Variants in VWA3B observed in about 807,000 individuals in gnomAD.
The protein encoded by VWA3B is von Willebrand factor A domain containing 3B.
A neutral mutation model predicts 158.3 loss-of-function variants in VWA3B; 138 were observed. That is an observed-to-expected ratio of 0.87 (90% CI 0.76 to 1.00). The LOEUF (loss-of-function observed/expected upper bound fraction) is 1.00, where lower values mean the gene tolerates loss of function less well. VWA3B is among the 50% of genes least tolerant of loss of function. The pLI is 0.00. For synonymous variants in VWA3B, 596 were observed against 587.3 expected, an observed-to-expected ratio of 1.01 and a Z score of -0.21; for missense variants, 1,555 against 1,565.1, an observed-to-expected ratio of 0.99 and a Z score of 0.11.
intron 7 of VWA3B, among the ~76,000 whole-genome samples, chr2:98,137,965 G>GA (rs796771862): frequency 6.6e-6 from 1 of 152,036 alleles, no homozygotes; most frequent in Non-Finnish European, 1.5e-5. Context: ...AGTGTTCTGG[G>GA]AAAAAATTAC....
intron 12 of VWA3B, among the ~76,000 whole-genome samples, chr2:98,208,061 C>T (rs1209237304): frequency 6.6e-6 from 1 of 151,844 alleles, no homozygotes. Flanking sequence ...GATGTATACA[C>T]ATTTAGGGTC....
intron 7 of VWA3B, among the ~76,000 whole-genome samples, chr2:98,160,007 TAA>T (rs201978512): frequency 2.7e-4 from 38 of 138,268 alleles, no homozygotes; most frequent in African/African-American, 7.0e-4. Flanking sequence ...AAGAATCCAT[TAA>T]AAAAAAAAAA....
At chr2:98,140,924 C>T (rs1206590227) in intron 7 of VWA3B, among the ~76,000 whole-genome samples, 1 of 152,190 alleles carries the variant, frequency 6.6e-6, no homozygotes, top group African/African-American at 2.4e-5. Flanking sequence ...GTCTCAGTTT[C>T]CCCTGTCCAC....
intron 1 of VWA3B, among the ~76,000 whole-genome samples, chr2:98,090,062 C>T (rs1299769057): frequency 1.3e-5 from 2 of 151,988 alleles, no homozygotes; most frequent in Non-Finnish European, 2.9e-5. Flanking sequence ...CTCCCTTCAG[C>T]AAGAATATTG....
chr2:98,219,481 A>T (rs368807967), intron 14 of VWA3B, among the ~76,000 whole-genome samples: 2 of 152,244 alleles, frequency 1.3e-5, no homozygotes, highest in Non-Finnish European at 2.9e-5. Flanking sequence ...CAGAGCATCA[A>T]TGAGTCGTGG....
intron 23 of VWA3B, among the ~76,000 whole-genome samples, chr2:98,293,714 A>T (rs1000381290): frequency 6.6e-6 from 1 of 152,326 alleles, no homozygotes; most frequent in Middle Eastern, 3.4e-3. Flanking sequence ...TTAACACATC[A>T]GTGTGGATTA....
intron 25 of VWA3B, among the ~76,000 whole-genome samples, chr2:98,301,965 G>A (rs1348251787): frequency 6.6e-6 from 1 of 152,112 alleles, no homozygotes; most frequent in Non-Finnish European, 1.5e-5. Flanking sequence ...AGTTTCAGAA[G>A]AATTCTTTAT....
chr2:98,226,236 C>T (rs943752113), intron 14 of VWA3B, among the ~76,000 whole-genome samples: 3 of 152,174 alleles, frequency 2.0e-5, no homozygotes, highest in African/African-American at 4.8e-5. Context: ...GAAACAGACA[C>T]GTAGACCAAT....
chr2:98,192,875 C>T, intron 10 of VWA3B, 23 bp from the exon 11 acceptor site: 1 of 1,614,168 alleles, frequency 6.2e-7, no homozygotes, highest in East Asian at 2.2e-5. Context: ...TCACCATTCA[C>T]TTTCAACCTA....
Position 98,270,687 on chromosome 2 carries a change from A to G in VWA3B, c.2849A>G (p.Asp950Gly), listed in dbSNP as rs767872126. The change falls in exon 22 of 28, where the codon GAT (aspartate) becomes GGT (glycine). Residue 950 changes from aspartate to glycine, a missense_variant. Coordinates refer to ENST00000477737, the MANE Select transcript of VWA3B (RefSeq NM_144992.5). The stretch of plus-strand genomic sequence containing the variant: ...TTTGTTTCTTTGTTTTTTAGGTTAG[A>G]TGCAAACAAACCAATACAGTACTTG... ...ALSQEEKEKL[D>G]ANKPIQYLEN... The G allele has an allele frequency of 6.2e-7, 1 of 1,613,220 alleles. No individual in the cohort carries two copies. Among genetic ancestry groups the G allele is most frequent in the Non-Finnish European group, 8.5e-7 (1 of 1,179,612 alleles).
At chr2:98,255,180 ATATTTTTTTTT>A (rs754606629) in intron 20 of VWA3B, among the ~76,000 whole-genome samples, 5,149 of 65,882 alleles carry the variant, frequency 0.078, 166 homozygotes, top group Middle Eastern at 0.18. Context: ...CGCCCGGCTG[ATATTTTTTTTT>A]TTTTTTTTTT....
intron 19 of VWA3B, among the ~76,000 whole-genome samples, chr2:98,240,255 C>T (rs894134046): frequency 6.6e-6 from 1 of 152,154 alleles, no homozygotes; most frequent in Non-Finnish European, 1.5e-5. Context: ...TATACATTTA[C>T]TATTTTAAAA....
At chr2:98,285,343 G>A (rs1689104582) in intron 22 of VWA3B, among the ~76,000 whole-genome samples, 1 of 151,996 alleles carries the variant, frequency 6.6e-6, no homozygotes, top group Non-Finnish European at 1.5e-5. Context: ...CCAGTTAATG[G>A]ACATTTGAAT....
At chr2:98,092,936 A>G (rs1482123842) in intron 1 of VWA3B, 125 bp from the exon 2 acceptor site, 1 of 605,174 alleles carries the variant, frequency 1.7e-6, no homozygotes, top group African/African-American at 1.9e-5. Flanking sequence ...ATACATGTAT[A>G]ATTTTAATTG....
chr2:98,274,479 G>A (rs893515757), intron 22 of VWA3B, among the ~76,000 whole-genome samples: 19 of 152,210 alleles, frequency 1.2e-4, no homozygotes, highest in Non-Finnish European at 2.8e-4. Flanking sequence ...TAGCCCAGAA[G>A]GATGCCTAGG....
At position 98,162,975 on chromosome 2, in the gene VWA3B, C is replaced by A. The variant is rs768189008; in HGVS notation, c.1113C>A (p.Cys371Ter). The A allele has an allele frequency of 6.2e-7, 1 of 1,614,016 alleles. No individual in the cohort carries two copies. Among genetic ancestry groups the A allele is most frequent in the Admixed American group, 1.7e-5 (1 of 60,008 alleles). ...PPKPDVATVD[C>*]ESETTSVEIA... ...AGCCCGACGTGGCCACTGTGGACTG[C>A]GGTTGGTGCTATTTCTGGTCACTGG... The change falls in exon 8 of 28, where the codon TGC becomes TGA. Residue 371 changes from cysteine (C) to a stop codon, truncating the protein, a stop_gained and splice_region_variant. Coordinates refer to ENST00000477737, the MANE Select transcript of VWA3B (RefSeq NM_144992.5). LOFTEE classifies it high-confidence loss of function.
rs1164131209 is a variant in VWA3B at position 98,226,871 on chromosome 2, A to C, written c.2020-1331A>C. Among the ~76,000 whole-genome samples, 3 of 152,186 alleles carry C rather than the reference A, an allele frequency of 2.0e-5. No individual in the cohort carries two copies. In the East Asian group the frequency reaches 5.8e-4, roughly 29 times the overall value. On this transcript the variant is annotated intron_variant, in intron 14 of 27. Transcript: ENST00000477737. ...CCCTTCAGGTTAAAAACTCTCCATA[A>C]ACTAGGTACTGATGGAACATATCTT... is the stretch of plus-strand genomic sequence containing the variant.
Position 98,128,363 on chromosome 2 carries a change from G to T in VWA3B, c.827G>T (p.Gly276Val). The T allele has an allele frequency of 6.2e-7, 1 of 1,613,974 alleles. No homozygotes were observed. The change falls in exon 6 of 28, where the codon GGC becomes GTC. Residue 276 changes from glycine to valine, a missense_variant. By Grantham distance (109) the Gly-to-Val change is moderately radical. Transcript: ENST00000477737. ...YTVSFNARGE[G>V]TIAFLKDLSA... ...GTGTCCTTCAACGCCAGAGGAGAAGGCACTATAGCTTTTCTAAAGGATCTG... is the reference window on the plus strand; with the variant it reads ...GTGTCCTTCAACGCCAGAGGAGAAGTCACTATAGCTTTTCTAAAGGATCTG...
At chr2:98,299,706 G>A (rs1053256380) in intron 24 of VWA3B, among the ~76,000 whole-genome samples, 1 of 152,128 alleles carries the variant, frequency 6.6e-6, no homozygotes, top group African/African-American at 2.4e-5. Flanking sequence ...CCCTTTCTAC[G>A]TCTTGGTGAC....
Sources: allele counts gnomAD v4.1 joint callset (sites outside exome capture counted in the v4.1 genomes callset), GRCh38; gene constraint gnomAD v4.1.1; transcripts MANE v1.5; gene names NCBI Gene and HGNC (gene_info 2026-07-23, HGNC 2026-07-21).